NRG1: variants seen among roughly 807,000 people sequenced by gnomAD.
NRG1 encodes neuregulin 1.
Under a neutral mutation model 63.8 loss-of-function variants are expected in NRG1, and 18 were observed. The observed-to-expected ratio is 0.28, with a 90% CI of 0.19 to 0.42. The LOEUF is 0.42. Among genes scored for constraint, NRG1 ranks in the 10% least tolerant of loss-of-function variants. The pLI, the probability that NRG1 is intolerant of heterozygous loss-of-function variation, is 1.00. For missense variants in NRG1, 762 were observed against 814.7 expected, an observed-to-expected ratio of 0.94 and a Z score of 0.79; for synonymous variants, 302 against 301.3, an observed-to-expected ratio of 1.00 and a Z score of -0.02.
At chr8:31,843,771 A>G (rs962634192) in intron 1 of NRG1, among the ~76,000 whole-genome samples, 2 of 152,188 alleles carry the variant, frequency 1.3e-5, no homozygotes, top group African/African-American at 2.4e-5. Context: ...TTAAACTTTC[A>G]TTACACAAGG....
chr8:32,261,589 A>G (rs1563245018), intron 1 of NRG1, among the ~76,000 whole-genome samples: 1 of 152,120 alleles, frequency 6.6e-6, no homozygotes, highest in African/African-American at 2.4e-5. Flanking sequence ...ATGTTTGTAA[A>G]ATACACATGC....
chr8:32,438,973 C>T (rs1819144571), intron 1 of NRG1, among the ~76,000 whole-genome samples: 1 of 151,956 alleles, frequency 6.6e-6, no homozygotes, highest in South Asian at 2.1e-4. Context: ...TCTCCCAGTC[C>T]ATAGCTTGTC....
At chr8:32,067,874 G>A (rs1164507882) in intron 1 of NRG1, among the ~76,000 whole-genome samples, 3 of 152,080 alleles carry the variant, frequency 2.0e-5, no homozygotes, top group African/African-American at 4.8e-5. Context: ...TCAGGATTTA[G>A]TTTGACAAAT....
intron 1 of NRG1, among the ~76,000 whole-genome samples, chr8:31,686,114 C>T (rs776895326): frequency 1.1e-4 from 16 of 151,914 alleles, no homozygotes; most frequent in Non-Finnish European, 1.5e-4. Flanking sequence ...AGTAAAATTG[C>T]GATTTTATTT....
At chr8:32,734,175 A>G (rs572523810) in intron 6 of NRG1, among the ~76,000 whole-genome samples, 7 of 152,330 alleles carry the variant, frequency 4.6e-5, no homozygotes, top group African/African-American at 1.7e-4. Flanking sequence ...GTAAGATGGA[A>G]AGAGAAAGTC....
chr8:31,853,715 T>A (rs1177881451), intron 1 of NRG1, among the ~76,000 whole-genome samples: 6 of 151,006 alleles, frequency 4.0e-5, no homozygotes, highest in Non-Finnish European at 8.9e-5. Context: ...TGCTTCCAGT[T>A]TTTGCCCATT....
At chr8:32,437,721 A>G (rs142025576) in intron 1 of NRG1, among the ~76,000 whole-genome samples, 1,748 of 152,298 alleles carry the variant, frequency 0.011, 20 homozygotes, top group Non-Finnish European at 0.014. Context: ...TTAATTACCA[A>G]CATAACACCA....
intron 1 of NRG1, among the ~76,000 whole-genome samples, chr8:32,364,075 C>CTTTTTTT (rs932903875): frequency 1.2e-3 from 79 of 65,506 alleles, no homozygotes; most frequent in Non-Finnish European, 1.5e-3. Context: ...TCTGACTAGT[C>CTTTTTTT]TTTTTTTTTT....
chr8:31,684,721 A>G (rs2131084014), intron 1 of NRG1, among the ~76,000 whole-genome samples: 1 of 152,236 alleles, frequency 6.6e-6, no homozygotes, highest in South Asian at 2.1e-4. Context: ...CATGTGCAGG[A>G]CAGTTTTAGG....
intron 1 of NRG1, among the ~76,000 whole-genome samples, chr8:31,919,704 A>G (rs914363438): frequency 3.3e-5 from 5 of 152,078 alleles, no homozygotes; most frequent in Non-Finnish European, 2.9e-5. Context: ...TCATGGAACA[A>G]TGCATTCTGC....
At chr8:32,469,642 C>T (rs552436532) in intron 1 of NRG1, among the ~76,000 whole-genome samples, 4 of 152,210 alleles carry the variant, frequency 2.6e-5, no homozygotes, top group African/African-American at 9.6e-5. Flanking sequence ...GCCAGATCCA[C>T]AGTAAATATC....
At chr8:32,516,402 G>T (rs901116898) in intron 1 of NRG1, among the ~76,000 whole-genome samples, 5 of 152,112 alleles carry the variant, frequency 3.3e-5, no homozygotes, top group African/African-American at 1.2e-4. Context: ...GATTGCTTTA[G>T]TTATTCAGGC....
intron 1 of NRG1, among the ~76,000 whole-genome samples, chr8:32,137,483 C>T (rs1248176080): frequency 1.3e-5 from 2 of 151,958 alleles, no homozygotes; most frequent in African/African-American, 4.8e-5. Context: ...CCATCTGGAG[C>T]AGTTAAGTAT....
intron 1 of NRG1, among the ~76,000 whole-genome samples, chr8:32,232,910 A>G (rs1376092265): frequency 2.6e-5 from 4 of 152,160 alleles, no homozygotes; most frequent in Non-Finnish European, 4.4e-5. Flanking sequence ...GGAATTCATT[A>G]TCATTTCTAC....
At chr8:32,047,926 T>G (rs1045783189) in intron 1 of NRG1, among the ~76,000 whole-genome samples, 3 of 151,978 alleles carry the variant, frequency 2.0e-5, no homozygotes, top group Admixed American at 2.0e-4. Flanking sequence ...CTCCAATCAG[T>G]TCAATCCACC....
At chr8:31,701,373 G>A (rs1428641068) in intron 1 of NRG1, among the ~76,000 whole-genome samples, 1 of 151,966 alleles carries the variant, frequency 6.6e-6, no homozygotes, top group African/African-American at 2.4e-5. Context: ...TCTGACAAAG[G>A]ATTTTCTGTG....
intron 1 of NRG1, among the ~76,000 whole-genome samples, chr8:32,558,961 T>C (rs1835754958): frequency 6.6e-6 from 1 of 151,350 alleles, no homozygotes; most frequent in Non-Finnish European, 1.5e-5. Context: ...GTGCCTGTGG[T>C]CCAGCTGTTA....
chr8:32,173,214 C>T (rs1013894649), intron 1 of NRG1, among the ~76,000 whole-genome samples: 7 of 152,120 alleles, frequency 4.6e-5, no homozygotes, highest in Admixed American at 3.3e-4. Flanking sequence ...GAATTTTCAA[C>T]CCAGAATTTC....
intron 1 of NRG1, among the ~76,000 whole-genome samples, chr8:32,551,483 T>C (rs1311960439): frequency 6.6e-6 from 1 of 152,200 alleles, no homozygotes; most frequent in Non-Finnish European, 1.5e-5. Flanking sequence ...CTGTGTGCTA[T>C]ATTGTACGCA....
Sources: allele counts gnomAD v4.1 joint callset (sites outside exome capture counted in the v4.1 genomes callset), GRCh38; gene constraint gnomAD v4.1.1; transcripts MANE v1.5; gene names NCBI Gene and HGNC (gene_info 2026-07-23, HGNC 2026-07-21).